TMEM108: variants seen among roughly 807,000 people sequenced by gnomAD.
TMEM108 encodes transmembrane protein 108.
A neutral mutation model predicts 35.1 loss-of-function variants in TMEM108; 12 were observed. That is an observed-to-expected ratio of 0.34 (90% CI 0.22 to 0.55). The LOEUF (loss-of-function observed/expected upper bound fraction) is 0.55, where lower values mean the gene tolerates loss of function less well. Among genes scored for constraint, TMEM108 ranks in the 20% least tolerant of loss-of-function variants. TMEM108 has a pLI of 0.89. For missense variants in TMEM108, 680 were observed against 753.3 expected (o/e 0.90, Z 1.14); for synonymous variants, 287 against 308.6 (o/e 0.93, Z 0.73).
chr3:133,284,427 CT>C (rs2037406185), intron 3 of TMEM108, among the ~76,000 whole-genome samples: 1 of 152,202 alleles, frequency 6.6e-6, no homozygotes, highest in Non-Finnish European at 1.5e-5. Context: ...ACCTGGGGGC[CT>C]ACCTCTCTCA....
chr3:133,038,959 C>T (rs1943240049), intron 1 of TMEM108, among the ~76,000 whole-genome samples: 1 of 140,964 alleles, frequency 7.1e-6, no homozygotes. Flanking sequence ...TGCCGGCGGC[C>T]TCGCCGGGGA....
chr3:133,066,220 G>C (rs1390633630), intron 2 of TMEM108, among the ~76,000 whole-genome samples: 1 of 151,966 alleles, frequency 6.6e-6, no homozygotes, highest in African/African-American at 2.4e-5. Context: ...TAACTACCAA[G>C]TTCATTCCCA....
intron 3 of TMEM108, among the ~76,000 whole-genome samples, chr3:133,366,123 A>T (rs2072494732): frequency 6.6e-6 from 1 of 152,238 alleles, no homozygotes; most frequent in African/African-American, 2.4e-5. Flanking sequence ...CTTAAGTATC[A>T]AATCAGTTTT....
At chr3:133,139,114 A>G (rs924137300) in intron 2 of TMEM108, among the ~76,000 whole-genome samples, 8 of 152,172 alleles carry the variant, frequency 5.3e-5, no homozygotes, top group Admixed American at 4.6e-4. Flanking sequence ...ATGGCTGCAT[A>G]GTATTCCATG....
At chr3:133,169,832 G>A (rs1326905828) in intron 2 of TMEM108, among the ~76,000 whole-genome samples, 2 of 152,184 alleles carry the variant, frequency 1.3e-5, no homozygotes, top group African/African-American at 4.8e-5. Context: ...AGATGGCTGT[G>A]TAGATTAGCC....
chr3:133,144,478 G>A (rs1944687330), intron 2 of TMEM108, among the ~76,000 whole-genome samples: 3 of 152,250 alleles, frequency 2.0e-5, no homozygotes, highest in African/African-American at 4.8e-5. Context: ...AATCCTTTGG[G>A]TATATATCCA....
In TMEM108 at chr3:133,380,237, G is replaced by A; in HGVS notation, c.526G>A (p.Ala176Thr). Reference protein sequence around the residue: ...PRPPGSSRKGAGNSSRPVPPA... With the variant: ...PRPPGSSRKGTGNSSRPVPPA... ...GCCCCCAGGCTCTTCCCGAAAAGGG[G>A]CTGGTAATTCATCACGCCCTGTCCC... is the stretch of plus-strand genomic sequence containing the variant. Residue 176 changes from alanine to threonine, a missense_variant, in exon 4 of 6, where the codon GCT (alanine) becomes ACT (threonine). Ala to Thr is a moderately conservative substitution (Grantham distance 58, BLOSUM62 0). Coordinates refer to ENST00000321871, the MANE Select transcript of TMEM108 (RefSeq NM_023943.4). The surrounding 1 kb of genome is among the most constrained non-coding windows in gnomAD (Gnocchi z 5.3). 6.2e-7 allele frequency: 1 copy of A among 1,613,670 alleles called. No homozygotes were observed.
chr3:133,298,863 T>C (rs1168613424), intron 3 of TMEM108, among the ~76,000 whole-genome samples: 1 of 152,200 alleles, frequency 6.6e-6, no homozygotes, highest in Admixed American at 6.5e-5. Flanking sequence ...TAGTTTTTTA[T>C]AATTATAAAA....
chr3:133,230,379 A>G (rs1222543976), intron 3 of TMEM108, among the ~76,000 whole-genome samples: 1 of 152,178 alleles, frequency 6.6e-6, no homozygotes. Context: ...TCCCTAAAAC[A>G]CATATCACGT....
intron 2 of TMEM108, among the ~76,000 whole-genome samples, chr3:133,088,031 A>C (rs935592720): frequency 3.3e-5 from 5 of 152,224 alleles, no homozygotes; most frequent in Admixed American, 6.5e-5. Context: ...TACTGTGTCT[A>C]GAGTGTTGAA....
chr3:133,187,452 A>G (rs896723428), intron 2 of TMEM108, among the ~76,000 whole-genome samples: 1 of 152,182 alleles, frequency 6.6e-6, no homozygotes, highest in African/African-American at 2.4e-5. Flanking sequence ...ACTGATTAGC[A>G]TAAAAAGTGG....
In TMEM108 at chr3:133,346,784, T is replaced by A. The variant is rs539753627; in HGVS notation, c.41-32968T>A. 1.5e-4 allele frequency among the ~76,000 whole-genome samples: 23 copies of A among 152,222 alleles called. No homozygotes were observed. The South Asian group carries it at 4.8e-3, about 32-fold the overall frequency. The stretch of plus-strand genomic sequence containing the variant: ...AGTTCTATAGTTTTGCATTTTACAT[T>A]TAGGTCTATGACCCATGTTGAGTTA... On this transcript the variant is annotated intron_variant, in intron 3 of 5. Coordinates refer to ENST00000321871, the MANE Select transcript of TMEM108 (RefSeq NM_023943.4). This position sits in a 1 kb window ranked among gnomAD's most constrained non-coding sequence, Gnocchi z 4.0.
intron 2 of TMEM108, among the ~76,000 whole-genome samples, chr3:133,112,605 A>G (rs1944239137): frequency 6.6e-6 from 1 of 152,192 alleles, no homozygotes; most frequent in Non-Finnish European, 1.5e-5. Flanking sequence ...CCTCAACCCT[A>G]TTCACACATG....
At chr3:133,341,096 T>C (rs2071648110) in intron 3 of TMEM108, among the ~76,000 whole-genome samples, 1 of 151,694 alleles carries the variant, frequency 6.6e-6, no homozygotes, top group African/African-American at 2.4e-5. Context: ...GAGATCCAAA[T>C]TGGAAAGGAA....
chr3:133,319,891 C>T (rs1401286793), intron 3 of TMEM108, among the ~76,000 whole-genome samples: 1 of 152,170 alleles, frequency 6.6e-6, no homozygotes, highest in African/African-American at 2.4e-5. Flanking sequence ...ATCTGAAGAG[C>T]AGCCCTTAAG....
intron 3 of TMEM108, among the ~76,000 whole-genome samples, chr3:133,317,283 AT>A (rs1354632157): frequency 2.0e-5 from 3 of 152,186 alleles, no homozygotes; most frequent in African/African-American, 7.2e-5. Flanking sequence ...AAAACTGTGT[AT>A]ACTATTCTCT....
chr3:133,374,946 G>A (rs1354355145), intron 3 of TMEM108, among the ~76,000 whole-genome samples: 1 of 152,194 alleles, frequency 6.6e-6, no homozygotes, highest in Non-Finnish European at 1.5e-5. Flanking sequence ...CATAGACTCT[G>A]CAGCCAAGCT....
chr3:133,189,270 C>G (rs1273199629), intron 2 of TMEM108, among the ~76,000 whole-genome samples: 1 of 152,130 alleles, frequency 6.6e-6, no homozygotes, highest in African/African-American at 2.4e-5. Flanking sequence ...ATTCTATTTG[C>G]TTTTCTTTGG....
At chr3:133,138,074 T>C (rs1351869571) in intron 2 of TMEM108, among the ~76,000 whole-genome samples, 3 of 152,226 alleles carry the variant, frequency 2.0e-5, no homozygotes, top group Non-Finnish European at 4.4e-5. Context: ...CTGGAGCTTA[T>C]ATCTATTCAT....
Sources: allele counts gnomAD v4.1 joint callset (sites outside exome capture counted in the v4.1 genomes callset), GRCh38; gene constraint gnomAD v4.1.1; non-coding constraint Gnocchi (gnomAD v3.1); transcripts MANE v1.5; gene names NCBI Gene and HGNC (gene_info 2026-07-23, HGNC 2026-07-21).